CSMD1: variants seen among roughly 807,000 people sequenced by gnomAD.
CSMD1 encodes the protein CUB and Sushi multiple domains 1.
A neutral mutation model predicts 417.5 loss-of-function variants in CSMD1; 213 were observed. The observed-to-expected ratio is 0.51, with a 90% CI of 0.46 to 0.57. The LOEUF (loss-of-function observed/expected upper bound fraction) is 0.57, where lower values mean the gene tolerates loss of function less well. CSMD1 is among the 20% of genes least tolerant of loss of function. CSMD1 has a pLI of 0.00. For missense variants in CSMD1, 6,923 were observed against 4,529.7 expected, an observed-to-expected ratio of 1.53 and a Z score of -15.17; for synonymous variants, 2,862 against 1,736.8, an observed-to-expected ratio of 1.65 and a Z score of -16.11.
intron 2 of CSMD1, among the ~76,000 whole-genome samples, chr8:4,539,161 A>C (rs1256510455): frequency 1.5e-4 from 23 of 152,198 alleles, no homozygotes; most frequent in Admixed American, 1.4e-3. Context: ...TTGTGGGTGA[A>C]TTAACACACA....
In CSMD1 at chr8:4,912,796, G is replaced by T. The variant is rs577160545; in HGVS notation, c.85+81536C>A. Among the ~76,000 whole-genome samples, 5 of 120,534 alleles carry T rather than the reference G, an allele frequency of 4.1e-5. No individual in the cohort carries two copies. The East Asian group carries it at 1.2e-3, about 28-fold the overall frequency. 79.1% of individuals were successfully genotyped at this position (120,534 alleles called of 152,430 possible). A position where few individuals can be genotyped will look rare whatever the true frequency, so the allele number is the denominator to read the frequency against. On this transcript the variant is annotated intron_variant, in intron 1 of 69. Transcript: ENST00000635120. Reference sequence around the variant, plus strand: ...ACATACAGCACCAGCTATTTTTTTTGGAGGGGGGGCACAGAGTCTTGCTCT... The same window carrying T: ...ACATACAGCACCAGCTATTTTTTTTTGAGGGGGGGCACAGAGTCTTGCTCT...
chr8:3,910,723 T>A (rs1338647569), intron 5 of CSMD1, among the ~76,000 whole-genome samples: 3 of 152,196 alleles, frequency 2.0e-5, no homozygotes, highest in Non-Finnish European at 4.4e-5. Flanking sequence ...CCATTAAGGA[T>A]ATAAAAACAC....
At chr8:3,373,178 A>C (rs7015224) in intron 18 of CSMD1, among the ~76,000 whole-genome samples, 16,341 of 152,268 alleles carry the variant, frequency 0.11, 961 homozygotes, top group Middle Eastern at 0.16. Context: ...TATAAAAACA[A>C]TCAATCTTTA....
chr8:3,028,175 G>C (rs566375738), intron 51 of CSMD1, among the ~76,000 whole-genome samples: 1 of 152,324 alleles, frequency 6.6e-6, no homozygotes, highest in East Asian at 1.9e-4. Flanking sequence ...CCTATTTCTG[G>C]TTTGAAATCG....
At chr8:4,604,255 T>C (rs946078662) in intron 2 of CSMD1, among the ~76,000 whole-genome samples, 1 of 152,050 alleles carries the variant, frequency 6.6e-6, no homozygotes, top group African/African-American at 2.4e-5. Flanking sequence ...TTTTCATAAA[T>C]AGTACAAATA....
At chr8:4,965,431 G>C (rs918187764) in intron 1 of CSMD1, among the ~76,000 whole-genome samples, 1 of 152,186 alleles carries the variant, frequency 6.6e-6, no homozygotes, top group Non-Finnish European at 1.5e-5. Flanking sequence ...CAATTTTATA[G>C]ATAGATGAGT....
chr8:4,764,802 G>A (rs750110164), intron 1 of CSMD1, among the ~76,000 whole-genome samples: 1 of 147,418 alleles, frequency 6.8e-6, no homozygotes, highest in African/African-American at 2.5e-5. Context: ...GAACCCAGGA[G>A]GCAGAGCTTG....
At chr8:3,686,968 A>T (rs1297824727) in intron 7 of CSMD1, among the ~76,000 whole-genome samples, 1 of 152,226 alleles carries the variant, frequency 6.6e-6, no homozygotes, top group Non-Finnish European at 1.5e-5. Context: ...TCCACATAGA[A>T]GAAGCTTGTT....
rs12541020 is a variant in CSMD1 at position 4,960,070 on chromosome 8, T to A, written c.85+34262A>T. 3.8e-3 allele frequency among the ~76,000 whole-genome samples: 578 copies of A among 152,112 alleles called. 2 individuals carry two copies. Among genetic ancestry groups the A allele is most frequent in the African/African-American group, 0.013 (539 of 41,500 alleles). ...TACTCAGAACAGTGCCTTACCACCA[T>A]TGGGACTCTAAAAAAATTGCCAAAT... On this transcript the variant is annotated intron_variant, in intron 1 of 69. Transcript: ENST00000635120.
At chr8:4,254,367 T>A (rs769327868) in intron 3 of CSMD1, among the ~76,000 whole-genome samples, 2 of 152,154 alleles carry the variant, frequency 1.3e-5, no homozygotes, top group Non-Finnish European at 2.9e-5. Flanking sequence ...AGTACAGTAA[T>A]GGGCTGCATG....
chr8:4,879,151 T>C (rs1466347875), intron 1 of CSMD1, among the ~76,000 whole-genome samples: 1 of 151,980 alleles, frequency 6.6e-6, no homozygotes, highest in Non-Finnish European at 1.5e-5. Flanking sequence ...GTGGCAGCTT[T>C]AAAAAATATA....
intron 12 of CSMD1, among the ~76,000 whole-genome samples, chr8:3,433,771 A>G (rs12677640): frequency 0.31 from 46,952 of 152,076 alleles, 7,689 homozygotes; most frequent in East Asian, 0.57. Context: ...TTCCCTACGT[A>G]AGACTTCAGA....
intron 3 of CSMD1, among the ~76,000 whole-genome samples, chr8:4,229,630 C>T (rs553269203): frequency 6.6e-6 from 1 of 152,300 alleles, no homozygotes; most frequent in African/African-American, 2.4e-5. Flanking sequence ...ATAGTTCACT[C>T]CTCTTCTCCA....
chr8:3,039,209 T>G (rs1482349094), intron 50 of CSMD1, among the ~76,000 whole-genome samples: 1 of 147,764 alleles, frequency 6.8e-6, no homozygotes, highest in Non-Finnish European at 1.5e-5. Context: ...GGTCCTGAAT[T>G]TTCAACTTCT....
At chr8:3,263,119 C>G (rs1295814764) in intron 26 of CSMD1, among the ~76,000 whole-genome samples, 1 of 151,912 alleles carries the variant, frequency 6.6e-6, no homozygotes, top group Non-Finnish European at 1.5e-5. Flanking sequence ...TATTTTTTTT[C>G]AGAGAGTTTC....
chr8:4,682,164 C>A (rs1466516983), intron 1 of CSMD1, among the ~76,000 whole-genome samples: 2 of 151,992 alleles, frequency 1.3e-5, no homozygotes, highest in African/African-American at 4.8e-5. Flanking sequence ...ATAACTGGGA[C>A]TACAGGCACA....
In CSMD1 at chr8:3,942,323, G is replaced by C. The variant is rs535616429; in HGVS notation, c.818+55580C>G. On this transcript the variant is annotated intron_variant, in intron 5 of 69. Coordinates refer to ENST00000635120, the MANE Select transcript of CSMD1 (RefSeq NM_033225.6). ...TCCCTCCTCTTCCAGTGGAAAAATTGTCTTCCAAGAAACTGGTGTCAGGCG... is the reference window on the plus strand; with the variant it reads ...TCCCTCCTCTTCCAGTGGAAAAATTCTCTTCCAAGAAACTGGTGTCAGGCG... 3.9e-5 allele frequency among the ~76,000 whole-genome samples: 6 copies of C among 152,152 alleles called. No individual in the cohort carries two copies. The East Asian group carries it at 7.7e-4, about 20-fold the overall frequency.
intron 3 of CSMD1, among the ~76,000 whole-genome samples, chr8:4,204,942 G>A (rs1326692434): frequency 2.0e-5 from 3 of 152,026 alleles, no homozygotes; most frequent in South Asian, 2.1e-4. Context: ...TTACAAATGT[G>A]AGCCACTGAA....
chr8:2,942,099 T>G (rs906498708), intron 69 of CSMD1, among the ~76,000 whole-genome samples: 2 of 152,050 alleles, frequency 1.3e-5, no homozygotes, highest in Non-Finnish European at 2.9e-5. Flanking sequence ...AGAGCATTGC[T>G]CTCACTCATG....
Sources: gnomAD v4.1 joint callset for allele counts (sites outside exome capture counted in the v4.1 genomes callset) on GRCh38, gnomAD v4.1.1 for gene constraint, MANE v1.5 for transcripts, NCBI Gene and HGNC (gene_info 2026-07-23, HGNC 2026-07-21) for gene names.